Variants in MITF observed in about 807,000 individuals in gnomAD.
MITF encodes microphthalmia-associated transcription factor.
Under a neutral mutation model 60.5 loss-of-function variants are expected in MITF, and 17 were observed. The ratio of observed to expected loss-of-function variants is 0.28; its 90% confidence interval spans 0.19 to 0.42. The LOEUF (loss-of-function observed/expected upper bound fraction) is 0.42. MITF is among the 10% of genes least tolerant of loss of function. The pLI is 1.00. For synonymous variants in MITF, 260 were observed against 248.5 expected (o/e 1.05, Z -0.43); for missense variants, 622 against 683.5 (o/e 0.91, Z 1.00).
chr3:69,939,742 G>A (rs941681748), intron 4 of MITF, among the ~76,000 whole-genome samples: 2 of 152,006 alleles, frequency 1.3e-5, no homozygotes, highest in Non-Finnish European at 2.9e-5. Flanking sequence ...AACAAAATTT[G>A]TTGCCTTTCT....
chr3:69,866,070 G>A (rs1317795652), intron 1 of MITF, among the ~76,000 whole-genome samples: 1 of 152,172 alleles, frequency 6.6e-6, no homozygotes, highest in Non-Finnish European at 1.5e-5. Flanking sequence ...CCTCATTGTG[G>A]TGTGAGGCAG....
intron 9 of MITF, among the ~76,000 whole-genome samples, chr3:69,963,284 C>T (rs1244638334): frequency 6.6e-6 from 1 of 152,144 alleles, no homozygotes; most frequent in Non-Finnish European, 1.5e-5. Flanking sequence ...AAAAATACTT[C>T]CCCTTTGCCA....
intron 2 of MITF, among the ~76,000 whole-genome samples, chr3:69,932,010 A>G (rs1318397258): frequency 6.6e-6 from 1 of 152,252 alleles, no homozygotes; most frequent in African/African-American, 2.4e-5. Context: ...TGTCCAGTTA[A>G]GACAGTAGTT....
intron 6 of MITF, among the ~76,000 whole-genome samples, chr3:69,949,602 A>G (rs764618839): frequency 6.6e-6 from 1 of 152,236 alleles, no homozygotes; most frequent in African/African-American, 2.4e-5. Context: ...CAATTGGGAT[A>G]GCATAAGAAT....
chr3:69,814,113 T>C (rs1490832802), intron 1 of MITF, among the ~76,000 whole-genome samples: 3 of 152,014 alleles, frequency 2.0e-5, no homozygotes, highest in Non-Finnish European at 4.4e-5. Context: ...TTCGACCTAT[T>C]TCCTGTTTAT....
At chr3:69,804,602 G>A (rs1193630364) in intron 1 of MITF, among the ~76,000 whole-genome samples, 3 of 152,194 alleles carry the variant, frequency 2.0e-5, no homozygotes, top group African/African-American at 7.2e-5. Flanking sequence ...ATGTACGAAA[G>A]TGCAGTTAAG....
chr3:69,868,995 A>T (rs2064170901), intron 1 of MITF, among the ~76,000 whole-genome samples: 1 of 152,038 alleles, frequency 6.6e-6, no homozygotes, highest in Non-Finnish European at 1.5e-5. Flanking sequence ...GGAAATCTTA[A>T]CATGTGGAGG....
intron 1 of MITF, among the ~76,000 whole-genome samples, chr3:69,840,247 C>T (rs1254082390): frequency 1.3e-5 from 2 of 152,142 alleles, no homozygotes; most frequent in Admixed American, 6.5e-5. Flanking sequence ...TTCACCCCTT[C>T]TCAAAAGGCT....
chr3:69,837,171 T>C (rs1464876736), intron 1 of MITF, among the ~76,000 whole-genome samples: 1 of 152,206 alleles, frequency 6.6e-6, no homozygotes, highest in African/African-American at 2.4e-5. Context: ...CAAGAGAGTC[T>C]GGGAAAGTGA....
At chr3:69,903,920 T>C (rs1045127834) in intron 2 of MITF, among the ~76,000 whole-genome samples, 1 of 152,100 alleles carries the variant, frequency 6.6e-6, no homozygotes, top group Non-Finnish European at 1.5e-5. Context: ...TTTTTCCCGT[T>C]GGCAAAAAGG....
chr3:69,953,890 A>C (rs2066331454), intron 7 of MITF, among the ~76,000 whole-genome samples: 2 of 152,048 alleles, frequency 1.3e-5, no homozygotes, highest in Non-Finnish European at 2.9e-5. Context: ...TTGTGTAAAA[A>C]TAGCACACTG....
chr3:69,810,362 A>G (rs1427809448), intron 1 of MITF, among the ~76,000 whole-genome samples: 1 of 152,098 alleles, frequency 6.6e-6, no homozygotes, highest in Non-Finnish European at 1.5e-5. Flanking sequence ...AATCTTTCAC[A>G]CTGAATTGGA....
chr3:69,903,617 G>A (rs1017485024), intron 2 of MITF, among the ~76,000 whole-genome samples: 1 of 151,926 alleles, frequency 6.6e-6, no homozygotes, highest in African/African-American at 2.4e-5. Context: ...GTCACTGGGG[G>A]CTTTTTTCTT....
At chr3:69,910,141 T>G (rs2065191677) in intron 2 of MITF, among the ~76,000 whole-genome samples, 1 of 152,194 alleles carries the variant, frequency 6.6e-6, no homozygotes, top group South Asian at 2.1e-4. Context: ...CAACTGTGGC[T>G]GAAAGGGGCC....
At chr3:69,935,889 A>G (rs1173069767) in intron 2 of MITF, among the ~76,000 whole-genome samples, 14 of 152,146 alleles carry the variant, frequency 9.2e-5, no homozygotes. Context: ...GTATATGATA[A>G]CTCATTCTTC....
At chr3:69,756,069 C>T (rs538900979) in intron 1 of MITF, among the ~76,000 whole-genome samples, 26 of 152,044 alleles carry the variant, frequency 1.7e-4, no homozygotes, top group African/African-American at 5.3e-4. Context: ...GGTTCTCTAT[C>T]GCTGAAAAAA....
chr3:69,944,677 T>G (rs1353556367), intron 5 of MITF, among the ~76,000 whole-genome samples: 12 of 152,096 alleles, frequency 7.9e-5, no homozygotes, highest in Admixed American at 7.9e-4. Flanking sequence ...TCAACCTCTC[T>G]GCTTGTGTTT....
chr3:69,863,145 G>T (rs930517129), intron 1 of MITF, among the ~76,000 whole-genome samples: 1 of 152,144 alleles, frequency 6.6e-6, no homozygotes, highest in African/African-American at 2.4e-5. Context: ...TGTTTATTCT[G>T]CTGAGTTCTA....
rs1196689335 is a variant in MITF at position 69,937,965 on chromosome 3, T to C, written c.498T>C (p.Asp166=). The change falls in exon 3 of 10, where the codon GAT becomes GAC. Residue 166 remains aspartate (D), a synonymous_variant. Coordinates refer to ENST00000352241, the MANE Select transcript of MITF (RefSeq NM_001354604.2). The part of the protein sequence containing the change: ...LSLPCPNQPG[D]HVMPPVPGSS... ...TGCCATGTCCAAACCAGCCTGGCGATCATGTCATGCCACCGGTGCCGGGGA... is the reference window on the plus strand; with the variant it reads ...TGCCATGTCCAAACCAGCCTGGCGACCATGTCATGCCACCGGTGCCGGGGA... 6.2e-7 allele frequency: 1 copy of C among 1,614,018 alleles called. No homozygotes were observed.
Sources: gnomAD v4.1 joint callset for allele counts (sites outside exome capture counted in the v4.1 genomes callset) on GRCh38, gnomAD v4.1.1 for gene constraint, MANE v1.5 for transcripts, NCBI Gene and HGNC (gene_info 2026-07-23, HGNC 2026-07-21) for gene names.